Variants in SLC38A1 observed in about 807,000 individuals in gnomAD.
The protein encoded by SLC38A1 is solute carrier family 38 member 1.
Under a neutral mutation model 60.3 loss-of-function variants are expected in SLC38A1, and 18 were observed. That is an observed-to-expected ratio of 0.30 (90% confidence interval 0.21 to 0.44). The LOEUF (loss-of-function observed/expected upper bound fraction) is 0.44. SLC38A1 is among the 20% of genes least tolerant of loss of function. SLC38A1 has a pLI of 1.00. For synonymous variants in SLC38A1, 196 were observed against 212.1 expected (o/e 0.92, Z 0.66); for missense variants, 448 against 587.2 (o/e 0.76, Z 2.45).
At position 46,183,266 on chromosome 12, in the gene SLC38A1, A is replaced by G. The variant is rs1434616040; in HGVS notation, c.*5704T>C. 4 of 152,216 alleles carry G rather than the reference A, an allele frequency of 2.6e-5. No individual in the cohort carries two copies. Among genetic ancestry groups the G allele is most frequent in the African/African-American group, 9.6e-5 (4 of 41,460 alleles). The allele number at this position is 152,216 out of a possible 1,614,324, so 9.4% of individuals were successfully genotyped here. ...ATTCATTTACAAGGTTTTTACATTAATAAAACAGTAGTGTGGTACATGTAT... is the reference window on the plus strand; with the variant it reads ...ATTCATTTACAAGGTTTTTACATTAGTAAAACAGTAGTGTGGTACATGTAT... On this transcript the variant is annotated 3_prime_UTR_variant, in exon 17 of 17. Coordinates refer to ENST00000398637, the MANE Select transcript of SLC38A1 (RefSeq NM_030674.4).
At chr12:46,258,029 C>G (rs1942086613) in intron 1 of SLC38A1, among the ~76,000 whole-genome samples, 1 of 152,180 alleles carries the variant, frequency 6.6e-6, no homozygotes, top group African/African-American at 2.4e-5. Flanking sequence ...ATTCATGCTT[C>G]CCATTTTTAG....
At chr12:46,235,778 C>CT (rs1941238934) in intron 3 of SLC38A1, among the ~76,000 whole-genome samples, 1 of 152,116 alleles carries the variant, frequency 6.6e-6, no homozygotes, top group African/African-American at 2.4e-5. Context: ...GCCTCGAATT[C>CT]TTTTAAAAAC....
chr12:46,268,124 T>C lies in SLC38A1; in HGVS notation c.-209+402A>G, dbSNP rs561807734. Among the ~76,000 whole-genome samples, 160 of 152,046 alleles carry C rather than the reference T, an allele frequency of 1.1e-3. No individual in the cohort carries two copies. Among genetic ancestry groups the C allele is most frequent in the Non-Finnish European group, 1.8e-3 (120 of 67,970 alleles). ...CACCAAAGGCCGGGGATTCAAACACTCCCAGAACACGGTCGCGCCCTCGGG... is the reference window on the plus strand; with the variant it reads ...CACCAAAGGCCGGGGATTCAAACACCCCCAGAACACGGTCGCGCCCTCGGG... On this transcript the variant is annotated intron_variant, in intron 1 of 16. Transcript: ENST00000398637. This position sits in a 1 kb window ranked among gnomAD's most constrained non-coding sequence, Gnocchi z 4.4.
chr12:46,251,925 T>C (rs1304638717), intron 1 of SLC38A1, among the ~76,000 whole-genome samples: 1 of 152,160 alleles, frequency 6.6e-6, no homozygotes, highest in Non-Finnish European at 1.5e-5. Context: ...TGGAAGACAG[T>C]GTGGCAATTC....
intron 1 of SLC38A1, among the ~76,000 whole-genome samples, chr12:46,266,801 A>G (rs543206086): frequency 6.6e-6 from 1 of 152,236 alleles, no homozygotes; most frequent in East Asian, 1.9e-4. Flanking sequence ...AAACCTCAAG[A>G]TTAAGACCTC....
intron 1 of SLC38A1, chr12:46,254,893 C>A (rs1259008171): frequency 6.5e-6 from 1 of 152,918 alleles, no homozygotes; most frequent in Non-Finnish European, 1.5e-5. Context: ...GTATACTTTA[C>A]ATAATTGCTA....
At position 46,204,423 on chromosome 12, in the gene SLC38A1, AT is replaced by A. The variant is rs748424187; in HGVS notation, c.706-7del. ...TGAAATTTCTTGTAAATAACCTGGTATTAAGAAGTATAGTAGAAGCAATATG... is the reference window on the plus strand; with the variant it reads ...TGAAATTTCTTGTAAATAACCTGGTATAAGAAGTATAGTAGAAGCAATATG... On this transcript the variant is annotated splice_region_variant and splice_polypyrimidine_tract_variant and intron_variant, in intron 10 of 16. Coordinates refer to ENST00000398637, the MANE Select transcript of SLC38A1 (RefSeq NM_030674.4). 4 of 1,600,802 alleles carry A rather than the reference AT, an allele frequency of 2.5e-6. No homozygotes were observed. The highest frequency in any genetic ancestry group is 3.4e-6 in the Non-Finnish European group (4 of 1,168,074).
In SLC38A1 at chr12:46,188,998, C is replaced by T. The variant is rs896637496; in HGVS notation, c.1436G>A (p.Cys479Tyr). 2 of 1,613,606 alleles carry T rather than the reference C, an allele frequency of 1.2e-6. No homozygotes were observed. The highest frequency in any genetic ancestry group is 1.7e-5 in the Admixed American group (1 of 59,998). The change falls in exon 17 of 17, where the codon TGC becomes TAC. Residue 479 changes from cysteine to tyrosine, a missense_variant. Cys to Tyr is a radical substitution (Grantham distance 194). Coordinates refer to ENST00000398637, the MANE Select transcript of SLC38A1 (RefSeq NM_030674.4). Reference sequence around the variant, plus strand: ...GTGGCCTTCGTCACTACTCGATGAGCAGGCCCAGTCATAGATGACCAAGGG... The same window carrying T: ...GTGGCCTTCGTCACTACTCGATGAGTAGGCCCAGTCATAGATGACCAAGGG... ...SIPLVIYDWA[C>Y]SSSSDEGH
chr12:46,226,367 A>G (rs1358148344), intron 5 of SLC38A1, among the ~76,000 whole-genome samples: 1 of 152,166 alleles, frequency 6.6e-6, no homozygotes, highest in Non-Finnish European at 1.5e-5. Flanking sequence ...AACCAAAATA[A>G]TATTAAAAAG....
intron 1 of SLC38A1, among the ~76,000 whole-genome samples, chr12:46,252,339 G>C (rs1352750684): frequency 6.6e-6 from 1 of 152,128 alleles, no homozygotes; most frequent in African/African-American, 2.4e-5. Context: ...GCCTGTCACA[G>C]GGTGGGGGCC....
intron 3 of SLC38A1, among the ~76,000 whole-genome samples, chr12:46,237,245 C>T (rs1240778970): frequency 1.3e-5 from 2 of 152,114 alleles, no homozygotes; most frequent in African/African-American, 4.8e-5. Flanking sequence ...ACCTTCCTCC[C>T]ACAAATTTGA....
intron 1 of SLC38A1, among the ~76,000 whole-genome samples, chr12:46,261,719 A>G (rs1322221243): frequency 2.0e-5 from 3 of 152,182 alleles, no homozygotes. Context: ...ATATAAACGG[A>G]AGGTATTTAT....
intron 1 of SLC38A1, among the ~76,000 whole-genome samples, chr12:46,253,477 G>A (rs1941926096): frequency 6.6e-6 from 1 of 152,204 alleles, no homozygotes; most frequent in South Asian, 2.1e-4. Context: ...TGTTGCCATG[G>A]CATTTGTAAA....
intron 3 of SLC38A1, among the ~76,000 whole-genome samples, chr12:46,237,862 G>C (rs1404515146): frequency 6.6e-6 from 1 of 151,776 alleles, no homozygotes; most frequent in Non-Finnish European, 1.5e-5. Flanking sequence ...ACTGTTCAGT[G>C]GAGGTCAGCA....
At chr12:46,242,045 T>C (rs184651789) in intron 2 of SLC38A1, among the ~76,000 whole-genome samples, 1 of 152,160 alleles carries the variant, frequency 6.6e-6, no homozygotes, top group Non-Finnish European at 1.5e-5. Context: ...TGTATATATA[T>C]GTGAGTGTGT....
intron 1 of SLC38A1, among the ~76,000 whole-genome samples, chr12:46,256,972 G>C (rs1034805465): frequency 6.6e-6 from 1 of 152,110 alleles, no homozygotes; most frequent in African/African-American, 2.4e-5. Flanking sequence ...TAATAGAAAA[G>C]ATAATAAAGG....
intron 1 of SLC38A1, among the ~76,000 whole-genome samples, chr12:46,266,524 G>C (rs1205406013): frequency 2.6e-5 from 4 of 151,074 alleles, no homozygotes; most frequent in African/African-American, 9.8e-5. Context: ...TTCATCATTC[G>C]GGTCTGAGGA....
chr12:46,190,912 G>C (rs1939117937), intron 16 of SLC38A1, among the ~76,000 whole-genome samples: 1 of 152,144 alleles, frequency 6.6e-6, no homozygotes, highest in Admixed American at 6.5e-5. Flanking sequence ...AGTTTCTTTT[G>C]CTGTGCAGAA....
Position 46,209,079 on chromosome 12 carries a change from G to A in SLC38A1, c.363C>T (p.Leu121=), listed in dbSNP as rs774782936. Residue 121 remains leucine, a synonymous_variant, in exon 6 of 17, where the codon CTC becomes CTT. Coordinates refer to ENST00000398637, the MANE Select transcript of SLC38A1 (RefSeq NM_030674.4). The part of the protein sequence containing the change: ...VTLLSIYSIN[L]LLICSKETGC... ...CTGTTTCTTTTGAACAGATCAATAG[G>A]AGGTTTATTGAATATATAGACAGCA... 1.2e-6 allele frequency: 2 copies of A among 1,611,740 alleles called. No homozygotes were observed. Among genetic ancestry groups the A allele is most frequent in the South Asian group, 1.1e-5 (1 of 90,702 alleles).
Sources: gnomAD v4.1 joint callset for allele counts (sites outside exome capture counted in the v4.1 genomes callset) on GRCh38, gnomAD v4.1.1 for gene constraint, Gnocchi (gnomAD v3.1) non-coding constraint, MANE v1.5 for transcripts, NCBI Gene and HGNC (gene_info 2026-07-23, HGNC 2026-07-21) for gene names.